CMYA5: variants seen among roughly 807,000 people sequenced by gnomAD.
The protein encoded by CMYA5 is cardiomyopathy associated 5.
Under a neutral mutation model 318.9 loss-of-function variants are expected in CMYA5, and 246 were observed. The observed-to-expected ratio is 0.77, with a 90% CI of 0.70 to 0.86. The LOEUF (loss-of-function observed/expected upper bound fraction) is 0.86. CMYA5 is among the 40% of genes least tolerant of loss of function. CMYA5 has a pLI of 0.00. For synonymous variants in CMYA5, 1,641 were observed against 1,729.5 expected (o/e 0.95, Z 1.27); for missense variants, 4,589 against 4,678.2 (o/e 0.98, Z 0.56).
chr5:79,729,568 G>A lies in CMYA5; in HGVS notation c.803G>A (p.Ser268Asn), dbSNP rs1279576289. The change falls in exon 2 of 13, where the codon AGT becomes AAT. Residue 268 changes from serine to asparagine, a missense_variant. Transcript: ENST00000446378. ...HYRKGKDASISLEPDLDNSGS... is the reference protein window; with the variant it reads ...HYRKGKDASINLEPDLDNSGS... ...AGGAAAGGGAAAGATGCATCCATTA[G>A]TCTAGAGCCAGATTTGGACAATAGT... The A allele has an allele frequency of 6.2e-7, 1 of 1,613,556 alleles. No individual in the cohort carries two copies. Among genetic ancestry groups the A allele is most frequent in the Non-Finnish European group, 8.5e-7 (1 of 1,179,498 alleles).
Position 79,731,004 on chromosome 5 carries a change from G to A in CMYA5, c.2239G>A (p.Ala747Thr), listed in dbSNP as rs1429179401. 2.5e-6 allele frequency: 4 copies of A among 1,613,942 alleles called. No homozygotes were observed. The highest frequency in any genetic ancestry group is 3.4e-6 in the Non-Finnish European group (4 of 1,179,860). Residue 747 changes from alanine (A) to threonine (T), a missense_variant, in exon 2 of 13, where the codon GCC becomes ACC. Transcript: ENST00000446378. ...CACTGGATCGTTTACTCCAGCTGTG[G>A]CCCCTGCTTCTGAGCCCTCTCTCTC... ...EDTGSFTPAVAPASEPSLSPS... is the reference protein window; with the variant it reads ...EDTGSFTPAVTPASEPSLSPS...
Position 79,728,970 on chromosome 5 carries a change from C to A in CMYA5, c.205C>A (p.Pro69Thr). Residue 69 changes from proline (P) to threonine (T), a missense_variant, in exon 2 of 13, where the codon CCC (proline) becomes ACC (threonine). This residue lies in a region of CMYA5 where 2,132 missense variants were observed against 2,131.3 expected (regional missense o/e 1.00). Transcript: ENST00000446378. ...CAAGCAGGAGTATATCATATCTGAC[C>A]CCTCCTTTTCCATGGTGACAGTCCA... ...KIKQEYIISD[P>T]SFSMVTVQRE... 1.2e-6 allele frequency: 2 copies of A among 1,612,860 alleles called. No homozygotes were observed. The highest frequency in any genetic ancestry group is 1.1e-5 in the South Asian group (1 of 90,958).
Position 79,745,325 on chromosome 5 carries a change from T to TGAA in CMYA5, c.10850_10852dup (p.Lys3617dup), listed in dbSNP as rs747830513. On this transcript the variant is annotated inframe_insertion, in exon 4 of 13. Transcript: ENST00000446378. The stretch of plus-strand genomic sequence containing the variant: ...GAGAAAGCCCAGAGCTTTGAGGAAG[T>TGAA]GAAGAAGAAGAAGATGGAGTTCCTG... 4 of 1,613,692 alleles carry TGAA rather than the reference T, an allele frequency of 2.5e-6. No individual in the cohort carries two copies. Among genetic ancestry groups the TGAA allele is most frequent in the African/African-American group, 1.3e-5 (1 of 74,980 alleles).
At chr5:79,742,760 GAA>G (rs111610940) in intron 2 of CMYA5, among the ~76,000 whole-genome samples, 29 of 145,442 alleles carry the variant, frequency 2.0e-4, no homozygotes, top group South Asian at 1.5e-3. Flanking sequence ...CATTGAGAGT[GAA>G]AAAAAAAAAA....
rs1398635102 is a variant in CMYA5 at position 79,730,833 on chromosome 5, T to C, written c.2068T>C (p.Tyr690His). ...AGACGAGGCCTCAGAAAGTGGGTGT[T>C]ACACACCAGACTCCACATCTGCTTC... ...SGDEASESGCYTPDSTSASEY... is the reference protein window; with the variant it reads ...SGDEASESGCHTPDSTSASEY... Residue 690 changes from tyrosine to histidine, a missense_variant, in exon 2 of 13, where the codon TAC (tyrosine) becomes CAC (histidine). By Grantham distance (83) the Tyr-to-His change is moderately conservative (BLOSUM62 2). Coordinates refer to ENST00000446378, the MANE Select transcript of CMYA5 (RefSeq NM_153610.5). The C allele has an allele frequency of 1.9e-6, 3 of 1,613,822 alleles. No individual in the cohort carries two copies. Among genetic ancestry groups the C allele is most frequent in the South Asian group, 2.2e-5 (2 of 91,082 alleles).
At chr5:79,691,541 C>G (rs4704573) in intron 1 of CMYA5, among the ~76,000 whole-genome samples, 48,213 of 152,042 alleles carry the variant, frequency 0.32, 9,671 homozygotes, top group African/African-American at 0.57. Flanking sequence ...AGGTGGACAC[C>G]AGGGAAAGAG....
At chr5:79,720,723 A>G (rs1467692559) in intron 1 of CMYA5, among the ~76,000 whole-genome samples, 1 of 152,188 alleles carries the variant, frequency 6.6e-6, no homozygotes, top group Non-Finnish European at 1.5e-5. Flanking sequence ...GGCGTGAGCC[A>G]CCATGCCTGG....
chr5:79,703,816 G>A (rs534170693), intron 1 of CMYA5, among the ~76,000 whole-genome samples: 4 of 152,182 alleles, frequency 2.6e-5, no homozygotes, highest in African/African-American at 7.2e-5. Context: ...TCTAGGGCCG[G>A]GAACAGTGGC....
Position 79,730,641 on chromosome 5 carries a change from G to A in CMYA5, c.1876G>A (p.Glu626Lys). Residue 626 changes from glutamate to lysine, a missense_variant, in exon 2 of 13, where the codon GAA (glutamate) becomes AAA (lysine). By Grantham distance (56) the Glu-to-Lys change is moderately conservative. Around this residue, in one of 3 missense-constraint regions of CMYA5, gnomAD observed 2,132 missense variants for 2,131.3 expected, o/e 1.00. Coordinates refer to ENST00000446378, the MANE Select transcript of CMYA5 (RefSeq NM_153610.5). ...VPPSNVEAIA[E>K]HAVLSEEENE... is the part of the protein sequence containing the mutation. ...CCCATCCAATGTAGAAGCTATAGCTGAACATGCAGTTTTGTCAGAAGAAGA... is the reference window on the plus strand; with the variant it reads ...CCCATCCAATGTAGAAGCTATAGCTAAACATGCAGTTTTGTCAGAAGAAGA... 1 of 1,614,032 alleles carries A rather than the reference G, an allele frequency of 6.2e-7. No individual in the cohort carries two copies. Among genetic ancestry groups the A allele is most frequent in the Non-Finnish European group, 8.5e-7 (1 of 1,179,894 alleles).
chr5:79,711,444 G>C (rs1827386677), intron 1 of CMYA5, among the ~76,000 whole-genome samples: 1 of 152,222 alleles, frequency 6.6e-6, no homozygotes, highest in African/African-American at 2.4e-5. Flanking sequence ...CAATTGCTTG[G>C]AAAGTTGAAG....
At chr5:79,763,248 C>G (rs758825479) in intron 9 of CMYA5, 39 bp downstream of exon 9, 1 of 1,526,144 alleles carries the variant, frequency 6.6e-7, no homozygotes, top group East Asian at 2.4e-5. Context: ...GCCCAGAGCC[C>G]AGTAACCAAG....
In CMYA5 at chr5:79,763,809, C is replaced by T. The variant is rs547596146; in HGVS notation, c.11555+600C>T. 1.1e-4 allele frequency among the ~76,000 whole-genome samples: 16 copies of T among 152,262 alleles called. No individual in the cohort carries two copies. In the South Asian group the frequency reaches 1.5e-3, roughly 14 times the overall value. On this transcript the variant is annotated intron_variant, in intron 9 of 12. Transcript: ENST00000446378. ...ATTTGGTAAATGTTAACTTATCTAC[C>T]GAGGTGGTGTTTTCTTAGCCTCCCA...
At position 79,734,123 on chromosome 5, in the gene CMYA5, T is replaced by C; in HGVS notation, c.5358T>C (p.Ile1786=). 1 of 1,613,692 alleles carries C rather than the reference T, an allele frequency of 6.2e-7. No homozygotes were observed. The highest frequency in any genetic ancestry group is 8.5e-7 in the Non-Finnish European group (1 of 1,179,772). ...GNLKAQVMGD[I]LDKLSEETGH... is the part of the protein sequence containing the mutation. Reference sequence around the variant, plus strand: ...TGAAGGCACAAGTCATGGGAGATATTTTAGATAAGCTAAGTGAAGAAACAG... The same window carrying C: ...TGAAGGCACAAGTCATGGGAGATATCTTAGATAAGCTAAGTGAAGAAACAG... Residue 1786 remains isoleucine, a synonymous_variant, in exon 2 of 13, where the codon ATT becomes ATC. Coordinates refer to ENST00000446378, the MANE Select transcript of CMYA5 (RefSeq NM_153610.5).
chr5:79,732,685 C>T lies in CMYA5; in HGVS notation c.3920C>T (p.Ser1307Phe). The T allele has an allele frequency of 6.2e-7, 1 of 1,613,296 alleles. No individual in the cohort carries two copies. The change falls in exon 2 of 13, where the codon TCC (serine) becomes TTC (phenylalanine). Residue 1307 changes from serine to phenylalanine, a missense_variant. Ser to Phe is a radical substitution (Grantham distance 155). This residue lies in a region of CMYA5 where 2,132 missense variants were observed against 2,131.3 expected (regional missense o/e 1.00). Transcript: ENST00000446378. ...SAVKMEMKHD[S>F]KITTTPIVLH... ...GTGAAAATGGAGATGAAACATGATT[C>T]CAAAATAACAACTACACCTATAGTG... is the stretch of plus-strand genomic sequence containing the variant.
rs2151084454 is a variant in CMYA5 at position 79,730,203 on chromosome 5, G to A, written c.1438G>A (p.Val480Ile). 6.2e-7 allele frequency: 1 copy of A among 1,613,930 alleles called. No homozygotes were observed. The highest frequency in any genetic ancestry group is 8.5e-7 in the Non-Finnish European group (1 of 1,179,870). Reference protein sequence around the residue: ...SAKLTPTHPSVKGEKEENMLE... With the variant: ...SAKLTPTHPSIKGEKEENMLE... ...AAAACTGACCCCTACCCATCCCAGT[G>A]TCAAAGGAGAGAAGGAGGAAAACAT... Residue 480 changes from valine (V) to isoleucine (I), a missense_variant, in exon 2 of 13, where the codon GTC (valine) becomes ATC (isoleucine). Coordinates refer to ENST00000446378, the MANE Select transcript of CMYA5 (RefSeq NM_153610.5).
chr5:79,762,995 G>A (rs1416452658), intron 8 of CMYA5, 67 bp from the exon 9 acceptor site: 17 of 1,509,660 alleles, frequency 1.1e-5, no homozygotes, highest in Non-Finnish European at 1.5e-5. Context: ...GGAAGATCAC[G>A]TGCTTCTCAG....
At chr5:79,777,433 T>C (rs1235703319) in intron 9 of CMYA5, among the ~76,000 whole-genome samples, 1 of 152,146 alleles carries the variant, frequency 6.6e-6, no homozygotes, top group South Asian at 2.1e-4. Flanking sequence ...AAATATTCCT[T>C]GGTGAGCATC....
In CMYA5 at chr5:79,743,750, A is replaced by G. The variant is rs935697345; in HGVS notation, c.10639-77A>G. On this transcript the variant is annotated intron_variant, in intron 2 of 12. Coordinates refer to ENST00000446378, the MANE Select transcript of CMYA5 (RefSeq NM_153610.5). ...TCTCTACGAAACATACTAAATTTAT[A>G]AGGAACTTGGAGCTCACTGGTTGAA... 7.2e-6 allele frequency: 5 copies of G among 697,518 alleles called. No homozygotes were observed. The African/African-American group carries it at 9.1e-5, about 13-fold the overall frequency. 43.2% of individuals were successfully genotyped at this position (697,518 alleles called of 1,614,324 possible).
chr5:79,743,985 C>A, intron 3 of CMYA5, 63 bp downstream of exon 3: 1 of 821,556 alleles, frequency 1.2e-6, no homozygotes, highest in Non-Finnish European at 1.9e-6. Flanking sequence ...GTAAATGATT[C>A]TGAGGTGAAG....
Sources: allele counts gnomAD v4.1 joint callset (sites outside exome capture counted in the v4.1 genomes callset), GRCh38; gene constraint gnomAD v4.1.1; regional missense constraint gnomAD v4.1.1; transcripts MANE v1.5; gene names NCBI Gene and HGNC (gene_info 2026-07-23, HGNC 2026-07-21).